ZNF536: variants seen among roughly 807,000 people sequenced by gnomAD.
The protein encoded by ZNF536 is zinc finger protein 536.
In ZNF536, 13 loss-of-function variants were observed where a neutral mutation model predicts 84.5. The observed-to-expected ratio is 0.15, with a 90% CI of 0.10 to 0.24. The LOEUF (loss-of-function observed/expected upper bound fraction) is 0.24. Ranked by LOEUF, ZNF536 falls within the 10% of genes least tolerant of loss-of-function variation. ZNF536 has a pLI of 1.00. For synonymous variants in ZNF536, 811 were observed against 742.5 expected, an observed-to-expected ratio of 1.09 and a Z score of -1.50; for missense variants, 1,536 against 1,747.5, an observed-to-expected ratio of 0.88 and a Z score of 2.16.
At chr19:30,606,332 G>A (rs1298950264) in intron 1 of ZNF536, among the ~76,000 whole-genome samples, 3 of 150,464 alleles carry the variant, frequency 2.0e-5, no homozygotes, top group Non-Finnish European at 4.4e-5. Flanking sequence ...AAAAGTGCCT[G>A]CAAGGACACA....
At chr19:30,451,013 G>T (rs965241119) in intron 2 of ZNF536, among the ~76,000 whole-genome samples, 1 of 152,272 alleles carries the variant, frequency 6.6e-6, no homozygotes, top group African/African-American at 2.4e-5. Context: ...CGTGTTTGCG[G>T]AGATTTACGG....
intron 1 of ZNF536, among the ~76,000 whole-genome samples, chr19:30,434,762 A>C (rs1184525229): frequency 6.6e-6 from 1 of 150,812 alleles, no homozygotes; most frequent in African/African-American, 2.4e-5. Flanking sequence ...TATTGATGAT[A>C]ATGATGATGA....
chr19:30,451,124 C>A (rs2052586671), intron 2 of ZNF536, among the ~76,000 whole-genome samples: 2 of 152,246 alleles, frequency 1.3e-5, no homozygotes, highest in East Asian at 1.9e-4. Flanking sequence ...CCCGCCTAGG[C>A]GAATAAGCCG....
At chr19:30,638,015 G>C (rs1232363551) in intron 1 of ZNF536, among the ~76,000 whole-genome samples, 5 of 152,242 alleles carry the variant, frequency 3.3e-5, no homozygotes, top group African/African-American at 1.2e-4. Context: ...CTTACTCATG[G>C]ACCACCCAGA....
intron 2 of ZNF536, among the ~76,000 whole-genome samples, chr19:30,531,005 C>G (rs1275434206): frequency 6.6e-6 from 1 of 152,184 alleles, no homozygotes; most frequent in African/African-American, 2.4e-5. Flanking sequence ...CTTCACTGTG[C>G]TTGGCTTTCA....
intron 2 of ZNF536, among the ~76,000 whole-genome samples, chr19:30,531,163 A>G (rs1000802672): frequency 6.6e-6 from 1 of 152,056 alleles, no homozygotes; most frequent in Non-Finnish European, 1.5e-5. Flanking sequence ...TAATAATTAG[A>G]CTCTTAAATC....
intron 4 of ZNF536, among the ~76,000 whole-genome samples, chr19:30,551,733 T>C (rs1469672558): frequency 6.6e-6 from 1 of 152,080 alleles, no homozygotes; most frequent in Non-Finnish European, 1.5e-5. Context: ...TTTTAGAGAG[T>C]GTGAGTTCTG....
intron 1 of ZNF536, among the ~76,000 whole-genome samples, chr19:30,608,983 A>G (rs746961): frequency 0.46 from 70,334 of 152,012 alleles, 16,604 homozygotes; most frequent in East Asian, 0.7. Flanking sequence ...TCCAGGTGAC[A>G]AAAGGGCCCA....
At chr19:30,263,161 A>G (rs115801943) in intron 1 of ZNF536, among the ~76,000 whole-genome samples, 2,830 of 152,284 alleles carry the variant, frequency 0.019, 93 homozygotes, top group African/African-American at 0.064. Context: ...GAGACCCCAG[A>G]ATGCAGCACA....
At chr19:30,319,480 A>G (rs2046788661) in intron 2 of ZNF536, among the ~76,000 whole-genome samples, 1 of 152,230 alleles carries the variant, frequency 6.6e-6, no homozygotes, top group Admixed American at 6.5e-5. Context: ...ACAATTTGCA[A>G]AATTGTGATT....
intron 1 of ZNF536, among the ~76,000 whole-genome samples, chr19:30,245,156 C>T (rs571863263): frequency 5.9e-5 from 9 of 152,286 alleles, no homozygotes; most frequent in African/African-American, 1.9e-4. Flanking sequence ...TGCATGGGAC[C>T]CCCTCATCCT....
At chr19:30,620,508 G>A (rs1349824133) in intron 1 of ZNF536, among the ~76,000 whole-genome samples, 5 of 152,142 alleles carry the variant, frequency 3.3e-5, no homozygotes, top group Admixed American at 3.3e-4. Context: ...TGCAGGTTCC[G>A]GTGATTCCTG....
intron 1 of ZNF536, among the ~76,000 whole-genome samples, chr19:30,648,884 C>T (rs369655663): frequency 2.0e-5 from 3 of 152,158 alleles, no homozygotes; most frequent in East Asian, 3.8e-4. Context: ...AGACCTAGTT[C>T]GAAATATCAT....
rs2146198056 is a variant in ZNF536, at chr19:30,548,367, G to A, written c.2748G>A (p.Gly916=). The change falls in exon 4 of 5, where the codon GGG becomes GGA. Residue 916 remains glycine, a synonymous_variant. Transcript: ENST00000355537. ...SIVSNGVNFQ[G]SLQAFMDSFV... ...TGAGCAACGGTGTGAATTTCCAAGG[G>A]TCCTTGCAAGCTTTCATGGACAGTT... 6 of 1,614,146 alleles carry A rather than the reference G, an allele frequency of 3.7e-6. No individual in the cohort carries two copies. Among genetic ancestry groups the A allele is most frequent in the Non-Finnish European group, 4.2e-6 (5 of 1,180,032 alleles).
chr19:30,457,047 A>T (rs557626778), intron 2 of ZNF536, among the ~76,000 whole-genome samples: 2 of 151,380 alleles, frequency 1.3e-5, no homozygotes, highest in South Asian at 4.2e-4. Flanking sequence ...ATCTCAAAAA[A>T]AAAAAAAAAC....
intron 1 of ZNF536, among the ~76,000 whole-genome samples, chr19:30,398,940 G>A (rs2049934902): frequency 6.6e-6 from 1 of 152,188 alleles, no homozygotes; most frequent in Admixed American, 6.5e-5. Context: ...CCAGTAGTGG[G>A]ATTGCTGGGT....
chr19:30,274,708 C>T (rs182225396), intron 1 of ZNF536, among the ~76,000 whole-genome samples: 292 of 152,238 alleles, frequency 1.9e-3, no homozygotes, highest in Middle Eastern at 3.4e-3. Context: ...TTTCGTCACC[C>T]AGGTAATCAG....
At chr19:30,641,495 T>C (rs1002804652) in intron 1 of ZNF536, among the ~76,000 whole-genome samples, 2 of 152,242 alleles carry the variant, frequency 1.3e-5, no homozygotes, top group African/African-American at 4.8e-5. Context: ...TATAAACGTA[T>C]GGCTACACTA....
intron 2 of ZNF536, among the ~76,000 whole-genome samples, chr19:30,516,416 G>C (rs1313562435): frequency 6.6e-6 from 1 of 152,218 alleles, no homozygotes; most frequent in Non-Finnish European, 1.5e-5. Flanking sequence ...ACAGGAAAAG[G>C]ACAACGTTCA....
Sources: allele counts gnomAD v4.1 joint callset (sites outside exome capture counted in the v4.1 genomes callset), GRCh38; gene constraint gnomAD v4.1.1; transcripts MANE v1.5; gene names NCBI Gene and HGNC (gene_info 2026-07-23, HGNC 2026-07-21).